The following TAPT1 variants were observed in gnomAD, a reference collection of about 807,000 sequenced individuals.
The protein encoded by TAPT1 is transmembrane anterior posterior transformation protein 1 homolog.
In TAPT1, 28 loss-of-function variants were observed where a neutral mutation model predicts 65.6. That is an observed-to-expected ratio of 0.43 (90% CI 0.32 to 0.59). The LOEUF is 0.59. TAPT1 is among the 20% of genes least tolerant of loss of function. The pLI is 0.09. For synonymous variants in TAPT1, 278 were observed against 245.2 expected, an observed-to-expected ratio of 1.13 and a Z score of -1.25; for missense variants, 563 against 679.9, an observed-to-expected ratio of 0.83 and a Z score of 1.91.
At chr4:16,212,051 A>C (rs770302810) in intron 2 of TAPT1, among the ~76,000 whole-genome samples, 6 of 152,220 alleles carry the variant, frequency 3.9e-5, no homozygotes, top group Non-Finnish European at 8.8e-5. Flanking sequence ...GTCTCTGCTG[A>C]GGTAACAAAA....
chr4:16,176,418 A>C (rs1017456852), intron 8 of TAPT1, 190 bp from the exon 9 acceptor site: 11 of 396,790 alleles, frequency 2.8e-5, no homozygotes, highest in African/African-American at 1.9e-4. Context: ...TTCATTCAAC[A>C]AACGTTTACT....
At chr4:16,215,029 C>T (rs763367957) in intron 1 of TAPT1, among the ~76,000 whole-genome samples, 19 of 152,102 alleles carry the variant, frequency 1.2e-4, no homozygotes, top group Admixed American at 4.6e-4. Flanking sequence ...CGGTGGCTCA[C>T]GCCTGTAATC....
rs184936492 is a variant in TAPT1 at position 16,198,214 on chromosome 4, G to A, written c.449+4248C>T. Among the ~76,000 whole-genome samples, 77 of 152,306 alleles carry A rather than the reference G, an allele frequency of 5.1e-4. 1 individual carries two copies. Among genetic ancestry groups the A allele is most frequent in the African/African-American group, 1.8e-3 (75 of 41,572 alleles). ...TTAAGTCAAAAACCATGGCAAGTTT[G>A]CAGAAGAACTAGAAATAGGTTCAAA... On this transcript the variant is annotated intron_variant, in intron 3 of 13. Transcript: ENST00000405303.
chr4:16,214,389 A>G (rs1750813280), intron 1 of TAPT1: 1 of 152,326 alleles, frequency 6.6e-6, no homozygotes, highest in Non-Finnish European at 1.5e-5. Flanking sequence ...CTGCACAAAC[A>G]TCTAAATAAT....
intron 7 of TAPT1, among the ~76,000 whole-genome samples, chr4:16,186,008 C>G (rs1304636738): frequency 6.6e-6 from 1 of 152,210 alleles, no homozygotes; most frequent in African/African-American, 2.4e-5. Context: ...TTCTTGGGGG[C>G]TCCATGATCC....
At chr4:16,221,373 G>A (rs1172306948) in intron 1 of TAPT1, among the ~76,000 whole-genome samples, 6 of 151,964 alleles carry the variant, frequency 3.9e-5, no homozygotes, top group African/African-American at 7.3e-5. Flanking sequence ...CAATCCACCC[G>A]CCTCAGCCTC....
chr4:16,213,698 A>T lies in TAPT1; in HGVS notation c.330+70T>A, dbSNP rs995329746. 34 of 1,369,272 alleles carry T rather than the reference A, an allele frequency of 2.5e-5. No individual in the cohort carries two copies. The South Asian group carries it at 5.4e-4, about 22-fold the overall frequency. The allele number at this position is 1,369,272 out of a possible 1,614,324, so 84.8% of individuals were successfully genotyped here. A position where few individuals can be genotyped will look rare whatever the true frequency, so the allele number is the denominator to read the frequency against. On this transcript the variant is annotated intron_variant, in intron 2 of 13. Coordinates refer to ENST00000405303, the MANE Select transcript of TAPT1 (RefSeq NM_153365.3). ...AAAAACTCAACTCTAGCTGTTGACC[A>T]TTTTTTTGCATAATTAATACTTTGA...
intron 2 of TAPT1, among the ~76,000 whole-genome samples, chr4:16,207,857 C>T (rs1045284348): frequency 1.3e-5 from 2 of 152,144 alleles, no homozygotes; most frequent in Admixed American, 6.5e-5. Flanking sequence ...TCTATTTAAG[C>T]AGTTGAATTT....
At position 16,188,352 on chromosome 4, in the gene TAPT1, C is replaced by A; in HGVS notation, c.616G>T (p.Ala206Ser). Residue 206 changes from alanine to serine, a missense_variant, in exon 5 of 14, where the codon GCT becomes TCT. Ala to Ser is a moderately conservative substitution (Grantham distance 99, BLOSUM62 1). This residue lies in a region of TAPT1 where 217 missense variants were observed against 317.5 expected (regional missense o/e 0.68). Transcript: ENST00000405303. ...CCAAAAGATGAAAACAGACGATCAG[C>A]TACCTAAAAAAAAAAATTATTTGTA... ...LYIIYNMLEVADRLFSSFGQD... is the reference protein window; with the variant it reads ...LYIIYNMLEVSDRLFSSFGQD... 1.3e-6 allele frequency: 2 copies of A among 1,567,138 alleles called. No individual in the cohort carries two copies. Among genetic ancestry groups the A allele is most frequent in the Admixed American group, 2.1e-5 (1 of 48,274 alleles).
At chr4:16,198,436 C>T (rs1749842349) in intron 3 of TAPT1, among the ~76,000 whole-genome samples, 2 of 152,138 alleles carry the variant, frequency 1.3e-5, no homozygotes, top group Admixed American at 6.5e-5. Flanking sequence ...ACTGTTTTCA[C>T]GTCAGCATTG....
intron 13 of TAPT1, among the ~76,000 whole-genome samples, chr4:16,164,584 C>T (rs1326816441): frequency 3.9e-5 from 6 of 152,142 alleles, no homozygotes; most frequent in Admixed American, 3.3e-4. Context: ...AAGAGTGACG[C>T]TTACTAACTT....
Position 16,163,372 on chromosome 4 carries a change from C to G in TAPT1, c.1640G>C (p.Arg547Thr), listed in dbSNP as rs1299546491. The G allele has an allele frequency of 6.2e-7, 1 of 1,613,986 alleles. No homozygotes were observed. Residue 547 changes from arginine to threonine, a missense_variant, in exon 14 of 14, where the codon AGA (arginine) becomes ACA (threonine). This residue lies in a region of TAPT1 where 136 missense variants were observed against 153.9 expected (regional missense o/e 0.88). Transcript: ENST00000405303. The stretch of plus-strand genomic sequence containing the variant: ...CTCTAACAAATCTTTCTTTGAGGAT[C>G]TGTGTTTTAATTCAGAATTGTCCTG... ...ITQDNSELKH[R>T]SSKKDLLEID...
intron 1 of TAPT1, among the ~76,000 whole-genome samples, chr4:16,217,094 A>G (rs1236086843): frequency 6.6e-6 from 1 of 152,190 alleles, no homozygotes; most frequent in Non-Finnish European, 1.5e-5. Context: ...ATTTTCCAGG[A>G]GTGAACATGC....
intron 3 of TAPT1, among the ~76,000 whole-genome samples, chr4:16,193,450 A>G (rs1307991750): frequency 6.6e-6 from 1 of 152,142 alleles, no homozygotes; most frequent in African/African-American, 2.4e-5. Context: ...CCACAGAGAG[A>G]AAGAGAGACC....
At chr4:16,225,869 G>A (rs1385232098) in intron 1 of TAPT1, 3 of 985,406 alleles carry the variant, frequency 3.0e-6, no homozygotes, top group Non-Finnish European at 2.4e-6. Flanking sequence ...AACAAAAAAA[G>A]TCACCTTGGC....
At position 16,209,637 on chromosome 4, in the gene TAPT1, G is replaced by A. The variant is rs115927916; in HGVS notation, c.330+4131C>T. On this transcript the variant is annotated intron_variant, in intron 2 of 13. Transcript: ENST00000405303. ...TAAACTGTTCCTAGGGGACCTAAAT[G>A]GAGAGCATATACTACTAGCACATAC... is the stretch of plus-strand genomic sequence containing the variant. Among the ~76,000 whole-genome samples, 1,044 of 152,248 alleles carry A rather than the reference G, an allele frequency of 6.9e-3. 10 individuals carry two copies. Among genetic ancestry groups the A allele is most frequent in the African/African-American group, 0.023 (968 of 41,546 alleles).
chr4:16,226,879 C>T, upstream of TAPT1: 1 of 239,580 alleles, frequency 4.2e-6, no homozygotes, highest in Non-Finnish European at 8.2e-6. Flanking sequence ...CGGCCGCCAC[C>T]ACCGCTGCCC....
chr4:16,225,970 G>A, intron 1 of TAPT1: 17 of 994,136 alleles, frequency 1.7e-5, no homozygotes, highest in Non-Finnish European at 2.0e-5. Context: ...TTCCGAGGGC[G>A]ATGCAAGGAC....
At chr4:16,197,733 G>C (rs1749800936) in intron 3 of TAPT1, among the ~76,000 whole-genome samples, 1 of 152,102 alleles carries the variant, frequency 6.6e-6, no homozygotes, top group Admixed American at 6.6e-5. Flanking sequence ...TCATTAAAAA[G>C]ATTATCCTCG....
Sources: allele counts gnomAD v4.1 joint callset (sites outside exome capture counted in the v4.1 genomes callset), GRCh38; gene constraint gnomAD v4.1.1; regional missense constraint gnomAD v4.1.1; transcripts MANE v1.5; gene names NCBI Gene and HGNC (gene_info 2026-07-23, HGNC 2026-07-21).